The following DNAJC7 variants were observed in gnomAD, a reference collection of about 807,000 sequenced individuals.
The protein encoded by DNAJC7 is DnaJ heat shock protein family (Hsp40) member C7, also known as dnaJ homolog subfamily C member 7.
In DNAJC7, 18 loss-of-function variants were observed where a neutral mutation model predicts 67.4. The ratio of observed to expected loss-of-function variants is 0.27; its 90% confidence interval spans 0.18 to 0.40. DNAJC7 has a LOEUF of 0.40. Among genes scored for constraint, DNAJC7 ranks in the 10% least tolerant of loss-of-function variants. The pLI is 1.00. For missense variants in DNAJC7, 419 were observed against 613.8 expected, an observed-to-expected ratio of 0.68 and a Z score of 3.35; for synonymous variants, 220 against 207.8, an observed-to-expected ratio of 1.06 and a Z score of -0.50.
intron 13 of DNAJC7, chr17:41,977,056 G>A (rs868984187): frequency 1.2e-5 from 8 of 651,530 alleles, no homozygotes; most frequent in East Asian, 2.7e-5. Flanking sequence ...GCAGAGATGC[G>A]GTGGCTAAAG....
chr17:41,982,238 C>T lies in DNAJC7; in HGVS notation c.1231+17G>A, dbSNP rs373515285. 1.1e-5 allele frequency: 17 copies of T among 1,613,626 alleles called. No individual in the cohort carries two copies. The highest frequency in any genetic ancestry group is 1.3e-5 in the Non-Finnish European group (15 of 1,179,774). ...GCGGGTTCTTCCCACTGAGCCCACT[C>T]CCCGCACCTACTCTACCTGGATGGT... On this transcript the variant is annotated intron_variant, in intron 11 of 13. Coordinates refer to ENST00000457167, the MANE Select transcript of DNAJC7 (RefSeq NM_003315.4).
chr17:41,986,799 A>T (rs1438162079), intron 9 of DNAJC7, among the ~76,000 whole-genome samples: 1 of 152,186 alleles, frequency 6.6e-6, no homozygotes, highest in Non-Finnish European at 1.5e-5. Context: ...CATCACACAC[A>T]GCAGCAGTTT....
At chr17:41,986,972 G>A (rs901275988) in intron 9 of DNAJC7, among the ~76,000 whole-genome samples, 14 of 152,114 alleles carry the variant, frequency 9.2e-5, no homozygotes, top group Non-Finnish European at 1.9e-4. Flanking sequence ...GAGTGGAGCA[G>A]GTGCTGGAGG....
intron 1 of DNAJC7, among the ~76,000 whole-genome samples, chr17:42,009,002 G>A (rs551318857): frequency 1.2e-4 from 19 of 152,316 alleles, no homozygotes; most frequent in Non-Finnish European, 2.4e-4. Flanking sequence ...GAGCCATCAC[G>A]CCGGGCCATA....
At chr17:41,999,235 A>T (rs2051742132) in intron 2 of DNAJC7, among the ~76,000 whole-genome samples, 1 of 151,734 alleles carries the variant, frequency 6.6e-6, no homozygotes, top group Non-Finnish European at 1.5e-5. Flanking sequence ...AGCGCCCACC[A>T]CACCTGGCTA....
At chr17:41,984,296 GATC>G (rs1285947712) in intron 9 of DNAJC7, 2 of 146,848 alleles carry the variant, frequency 1.4e-5, no homozygotes, top group Non-Finnish European at 3.0e-5. Flanking sequence ...ATGATTGCGA[GATC>G]TTTTTTTTTT....
intron 1 of DNAJC7, chr17:42,015,891 A>G (rs1301426897): frequency 6.6e-6 from 1 of 152,154 alleles, no homozygotes; most frequent in African/African-American, 2.4e-5. Flanking sequence ...CCAAATCCCT[A>G]TTTACAGTAT....
At chr17:42,000,088 G>C (rs897860114) in intron 2 of DNAJC7, among the ~76,000 whole-genome samples, 1 of 139,968 alleles carries the variant, frequency 7.1e-6, no homozygotes, top group Admixed American at 7.4e-5. Flanking sequence ...CAAAGTGCTG[G>C]GATTACAGGC....
chr17:42,004,747 C>T (rs535562822), intron 1 of DNAJC7, among the ~76,000 whole-genome samples: 8 of 152,252 alleles, frequency 5.3e-5, no homozygotes, highest in East Asian at 3.9e-4. Context: ...CCTTGCTGGG[C>T]GCAATGTCTC....
At chr17:42,008,964 C>G (rs2052047153) in intron 1 of DNAJC7, among the ~76,000 whole-genome samples, 1 of 152,184 alleles carries the variant, frequency 6.6e-6, no homozygotes, top group Admixed American at 6.5e-5. Context: ...CCAATCTCTG[C>G]CTTCCAAAGT....
Position 41,987,858 on chromosome 17 carries a change from T to C in DNAJC7, c.971A>G (p.Asp324Gly). Residue 324 changes from aspartate to glycine, a missense_variant, in exon 9 of 14, where the codon GAT becomes GGT. Asp to Gly is a moderately conservative substitution (Grantham distance 94). Transcript: ENST00000457167. ...CAAGTAGGCTTTTATGTAAGTGTCA[T>C]CAAGCTTCACTGCATTTGTGCAGTC... Reference protein sequence around the residue: ...IEDCTNAVKLDDTYIKAYLRR... With the variant: ...IEDCTNAVKLGDTYIKAYLRR... 6.2e-7 allele frequency: 1 copy of C among 1,612,106 alleles called. No individual in the cohort carries two copies. The highest frequency in any genetic ancestry group is 8.5e-7 in the Non-Finnish European group (1 of 1,179,212).
chr17:41,988,932 C>A, intron 7 of DNAJC7, 36 bp from the exon 8 acceptor site: 1 of 1,609,416 alleles, frequency 6.2e-7, no homozygotes, highest in Non-Finnish European at 8.5e-7. Flanking sequence ...CGGTTCATAT[C>A]CACAAAGCCT....
chr17:42,006,204 A>G (rs1555650220), intron 1 of DNAJC7, among the ~76,000 whole-genome samples: 2 of 150,910 alleles, frequency 1.3e-5, no homozygotes, highest in African/African-American at 4.9e-5. Context: ...CCTAGGCTGG[A>G]GTGCAGTGGC....
intron 12 of DNAJC7, chr17:41,977,662 A>C: frequency 1.5e-5 from 3 of 195,582 alleles, no homozygotes; most frequent in Non-Finnish European, 3.1e-5. Flanking sequence ...TCTCCCTATA[A>C]TGCTGGAGCG....
chr17:41,999,596 C>T (rs1304641307), intron 2 of DNAJC7, among the ~76,000 whole-genome samples: 4 of 152,164 alleles, frequency 2.6e-5, no homozygotes, highest in African/African-American at 7.2e-5. Flanking sequence ...TCTCAGCTCA[C>T]TGCAACCTCC....
Position 41,997,319 on chromosome 17 carries a change from T to C in DNAJC7, c.167-80A>G, listed in dbSNP as rs557417894. 2.6e-6 allele frequency: 4 copies of C among 1,521,872 alleles called. No homozygotes were observed. The African/African-American group carries it at 4.1e-5, about 16-fold the overall frequency. The allele number at this position is 1,521,872 out of a possible 1,614,324, so 94.3% of individuals were successfully genotyped here. Reference sequence around the variant, plus strand: ...AAAACTTAGAGGGGGCTGGGCGCAGTGGCTCATGCCCATAATCCCAGTACT... The same window carrying C: ...AAAACTTAGAGGGGGCTGGGCGCAGCGGCTCATGCCCATAATCCCAGTACT... On this transcript the variant is annotated intron_variant, in intron 2 of 13. Transcript: ENST00000457167.
At position 41,996,265 on chromosome 17, in the gene DNAJC7, A is replaced by G. The variant is rs781927074; in HGVS notation, c.405+46T>C. The G allele has an allele frequency of 1.9e-6, 3 of 1,596,676 alleles. No homozygotes were observed. In the South Asian group the frequency reaches 3.3e-5, roughly 18 times the overall value. ...ACTTTCAAGTAGCCACTCCTCCCAA[A>G]TATACCATACTGCCTCTTTTGACAG... On this transcript the variant is annotated intron_variant, in intron 4 of 13. Transcript: ENST00000457167.
intron 5 of DNAJC7, chr17:41,992,839 G>A (rs996033063): frequency 6.6e-6 from 1 of 152,154 alleles, no homozygotes; most frequent in African/African-American, 2.4e-5. Flanking sequence ...ACAAACAGAG[G>A]ATTCTGTCAC....
chr17:41,994,830 G>T, intron 5 of DNAJC7, 40 bp downstream of exon 5: 1 of 1,586,962 alleles, frequency 6.3e-7, no homozygotes, highest in South Asian at 1.1e-5. Flanking sequence ...GGAATTTTGC[G>T]ACAAAGAGCA....
Sources: allele counts gnomAD v4.1 joint callset (sites outside exome capture counted in the v4.1 genomes callset), GRCh38; gene constraint gnomAD v4.1.1; transcripts MANE v1.5; gene names NCBI Gene and HGNC (gene_info 2026-07-23, HGNC 2026-07-21).